Variants in PHIP observed in about 807,000 individuals in gnomAD.
PHIP encodes PHIP subunit of CUL4-Ring ligase complex.
In PHIP, 54 loss-of-function variants were observed where a neutral mutation model predicts 236.8. That is an observed-to-expected ratio of 0.23 (90% CI 0.18 to 0.29). PHIP has a LOEUF of 0.29. Ranked by LOEUF, PHIP falls within the 10% of genes least tolerant of loss-of-function variation. PHIP has a pLI of 1.00. For missense variants in PHIP, 1,370 were observed against 2,190.8 expected (o/e 0.63, Z 7.48); for synonymous variants, 756 against 718.9 (o/e 1.05, Z -0.83).
intron 38 of PHIP, 170 bp downstream of exon 38, chr6:78,945,831 T>A: frequency 1.6e-6 from 1 of 625,216 alleles, no homozygotes; most frequent in Non-Finnish European, 2.8e-6. Context: ...TAAACCTCAA[T>A]TTAATTCTTC....
chr6:79,029,599 G>A (rs1335463058), intron 7 of PHIP, among the ~76,000 whole-genome samples: 1 of 152,004 alleles, frequency 6.6e-6, no homozygotes, highest in Non-Finnish European at 1.5e-5. Flanking sequence ...GCGTGATCAT[G>A]GCTCACTGTG....
chr6:79,024,832 A>G (rs1185653209), intron 9 of PHIP, among the ~76,000 whole-genome samples: 1 of 152,092 alleles, frequency 6.6e-6, no homozygotes, highest in Non-Finnish European at 1.5e-5. Flanking sequence ...TAAATAAATA[A>G]AAGATATGGT....
intron 30 of PHIP, among the ~76,000 whole-genome samples, chr6:78,962,463 T>G (rs181965733): frequency 6.2e-4 from 94 of 152,286 alleles, no homozygotes; most frequent in Middle Eastern, 3.4e-3. Flanking sequence ...TATAAAATAC[T>G]TCAGATTTGA....
chr6:79,019,488 G>A (rs182228277), intron 9 of PHIP, among the ~76,000 whole-genome samples: 2 of 152,112 alleles, frequency 1.3e-5, no homozygotes, highest in Admixed American at 6.5e-5. Flanking sequence ...GAATAGCAAC[G>A]TACAAACATA....
At chr6:79,016,362 T>C (rs922716059) in intron 13 of PHIP, among the ~76,000 whole-genome samples, 182 bp downstream of exon 13, 1 of 151,900 alleles carries the variant, frequency 6.6e-6, no homozygotes, top group Non-Finnish European at 1.5e-5. Context: ...TGTCCTGAAA[T>C]ATGCCAATGA....
intron 8 of PHIP, 28 bp from the exon 9 acceptor site, chr6:79,025,647 C>A (rs1474592288): frequency 1.4e-6 from 2 of 1,393,478 alleles, no homozygotes; most frequent in East Asian, 2.3e-5. Context: ...GAAAAAAAAT[C>A]TTTACAAGAG....
chr6:78,965,621 G>T, intron 29 of PHIP, 82 bp downstream of exon 29: 1 of 774,008 alleles, frequency 1.3e-6, no homozygotes, highest in Non-Finnish European at 2.2e-6. Context: ...AACTGTAAGT[G>T]GTAGCATGTT....
chr6:78,970,943 T>C, intron 24 of PHIP, 55 bp from the exon 25 acceptor site: 3 of 1,185,640 alleles, frequency 2.5e-6, no homozygotes, highest in Non-Finnish European at 3.6e-6. Flanking sequence ...TAATCCAATA[T>C]ACAGGGTATC....
chr6:79,012,767 C>A (rs543116011), intron 15 of PHIP, among the ~76,000 whole-genome samples: 19 of 151,692 alleles, frequency 1.3e-4, no homozygotes, highest in Non-Finnish European at 2.4e-4. Flanking sequence ...AATAGCAATG[C>A]TGGATGCTTT....
In PHIP at chr6:79,077,736, CA is replaced by C; in HGVS notation, c.100-8del. On this transcript the variant is annotated splice_polypyrimidine_tract_variant and splice_region_variant and intron_variant, in intron 2 of 39. Transcript: ENST00000275034. Reference sequence around the variant, plus strand: ...CCACCTCGCGGATCAGCACCTGCAACAACAAAGCGGGGAGAGCTGAGCCCCG... The same window carrying C: ...CCACCTCGCGGATCAGCACCTGCAACACAAAGCGGGGAGAGCTGAGCCCCG... 9.9e-7 allele frequency: 1 copy of C among 1,012,098 alleles called. No individual in the cohort carries two copies. The highest frequency in any genetic ancestry group is 3.8e-5 in the South Asian group (1 of 26,434). The allele number at this position is 1,012,098 out of a possible 1,614,324, so 62.7% of individuals were successfully genotyped here. A position where few individuals can be genotyped will look rare whatever the true frequency, so the allele number is the denominator to read the frequency against.
intron 6 of PHIP, among the ~76,000 whole-genome samples, chr6:79,052,125 T>C (rs942508418): frequency 2.0e-5 from 3 of 152,032 alleles, no homozygotes; most frequent in Non-Finnish European, 4.4e-5. Flanking sequence ...AAATAGAAGG[T>C]ATAGGGAAAT....
intron 38 of PHIP, 46 bp from the exon 39 acceptor site, chr6:78,945,543 A>G (rs746048409): frequency 1.7e-6 from 2 of 1,172,136 alleles, no homozygotes; most frequent in Non-Finnish European, 2.5e-6. Context: ...TATTGAACCT[A>G]AAGATAAGAA....
chr6:78,976,276 AG>A (rs1252141558), intron 24 of PHIP, among the ~76,000 whole-genome samples: 20 of 149,660 alleles, frequency 1.3e-4, no homozygotes, highest in African/African-American at 4.9e-4. Flanking sequence ...CAATGGGAAA[AG>A]GATTCCCTAT....
At chr6:78,982,617 C>T (rs1016750333) in intron 23 of PHIP, among the ~76,000 whole-genome samples, 2 of 151,986 alleles carry the variant, frequency 1.3e-5, no homozygotes, top group African/African-American at 4.8e-5. Context: ...ACCAAACTGT[C>T]AAGAAAAATC....
In PHIP at chr6:79,002,067, T is replaced by C. The variant is rs547890252; in HGVS notation, c.1711A>G (p.Asn571Asp). The change falls in exon 17 of 40, where the codon AAT (asparagine) becomes GAT (aspartate). Residue 571 changes from asparagine (N) to aspartate (D), a missense_variant. Physicochemically the swap from Asn to Asp is conservative, Grantham distance 23. Coordinates refer to ENST00000275034, the MANE Select transcript of PHIP (RefSeq NM_017934.7). ...TGAGTCTGTTCATCTAATACAAAAT[T>C]GTTGGCATCACGAATAAGTGGCCGA... ...DYRPLIRDANNFVLDEQTQQA... is the reference protein window; with the variant it reads ...DYRPLIRDANDFVLDEQTQQA... 6.2e-7 allele frequency: 1 copy of C among 1,613,230 alleles called. No homozygotes were observed. Among genetic ancestry groups the C allele is most frequent in the Non-Finnish European group, 8.5e-7 (1 of 1,179,432 alleles).
chr6:79,045,898 A>G (rs1195832993), intron 6 of PHIP, among the ~76,000 whole-genome samples: 1 of 152,212 alleles, frequency 6.6e-6, no homozygotes, highest in East Asian at 1.9e-4. Flanking sequence ...CCCAAAGCAA[A>G]TCTGTTCTTT....
intron 20 of PHIP, among the ~76,000 whole-genome samples, chr6:78,990,120 C>T (rs3902856): frequency 0.33 from 50,000 of 151,904 alleles, 9,802 homozygotes; most frequent in East Asian, 0.69. Flanking sequence ...TGAAGAAGGC[C>T]AGTTATTTAT....
intron 24 of PHIP, among the ~76,000 whole-genome samples, chr6:78,974,208 C>T (rs1767857860): frequency 6.6e-6 from 1 of 152,076 alleles, no homozygotes; most frequent in African/African-American, 2.4e-5. Context: ...AACTAGAATT[C>T]AGGATTAAGA....
Position 78,945,429 on chromosome 6 carries a change from T to A in PHIP, c.4699A>T (p.Ser1567Cys). 6.2e-7 allele frequency: 1 copy of A among 1,611,308 alleles called. No homozygotes were observed. Among genetic ancestry groups the A allele is most frequent in the Non-Finnish European group, 8.5e-7 (1 of 1,177,480 alleles). ...TLSSPGQSSF[S>C]HGTRNNSAKE... is the part of the protein sequence containing the mutation. ...GCAGAATTATTCCTAGTGCCATGAC[T>A]AAAACTGGATTGACCAGGACTGGAA... The change falls in exon 39 of 40, where the codon AGT becomes TGT. Residue 1567 changes from serine (S) to cysteine (C), a missense_variant. By Grantham distance (112) the Ser-to-Cys change is moderately radical. Transcript: ENST00000275034.
Sources: allele counts gnomAD v4.1 joint callset (sites outside exome capture counted in the v4.1 genomes callset), GRCh38; gene constraint gnomAD v4.1.1; transcripts MANE v1.5; gene names NCBI Gene and HGNC (gene_info 2026-07-23, HGNC 2026-07-21).